Variants in CHM observed in about 807,000 individuals in gnomAD.
The protein encoded by CHM is CHM Rab escort protein.
Under a neutral mutation model 49.0 loss-of-function variants are expected in CHM, and 10 were observed. The observed-to-expected ratio is 0.20, with a 90% confidence interval of 0.13 to 0.35. The LOEUF (loss-of-function observed/expected upper bound fraction) is 0.35. Ranked by LOEUF, CHM falls within the 10% of genes least tolerant of loss-of-function variation. The pLI, the probability that CHM is intolerant of heterozygous loss-of-function variation, is 1.00. For synonymous variants in CHM, 184 were observed against 167.5 expected, an observed-to-expected ratio of 1.10 and a Z score of -0.76; for missense variants, 455 against 478.4, an observed-to-expected ratio of 0.95 and a Z score of 0.46.
intron 3 of CHM, among the ~76,000 whole-genome samples, chrX:85,981,229 T>A (rs1603269559): frequency 2.6e-5 from 1 of 38,916 alleles, no homozygotes; most frequent in Admixed American, 4.3e-4. Context: ...TAGACACACA[T>A]ATTTTTTTTT....
chrX:86,022,764 T>C (rs1933659707), intron 2 of CHM, among the ~76,000 whole-genome samples: 2 of 111,319 alleles, frequency 1.8e-5, no homozygotes, highest in African/African-American at 6.5e-5. Context: ...CCTAGGTGAA[T>C]GGATCTCTTC....
At chrX:85,970,175 G>A in intron 4 of CHM, 1 of 472,202 alleles carries the variant, frequency 2.1e-6, no homozygotes, top group Non-Finnish European at 2.6e-6. Context: ...ATGTTTATAT[G>A]TACCAAAACA....
chrX:85,983,281 G>T (rs1931728501), intron 2 of CHM, among the ~76,000 whole-genome samples: 1 of 110,496 alleles, frequency 9.1e-6, no homozygotes, highest in African/African-American at 3.3e-5. Flanking sequence ...TTAAAATTTA[G>T]CTAGAATTTC....
At chrX:85,908,100 A>G (rs1700270690) in intron 9 of CHM, among the ~76,000 whole-genome samples, 1 of 112,082 alleles carries the variant, frequency 8.9e-6, no homozygotes, top group Admixed American at 9.5e-5. Context: ...AGGAAAAGAA[A>G]GGCAAACTGA....
chrX:85,908,530 T>G (rs1032776979), intron 9 of CHM, among the ~76,000 whole-genome samples: 1 of 111,997 alleles, frequency 8.9e-6, no homozygotes, highest in African/African-American at 3.2e-5. Context: ...TCTTAAAACT[T>G]TTAAAGATCA....
rs759235022 is a variant in CHM at position 86,045,449 on chromosome X, G to C, written c.49+2035C>G. Reference sequence around the variant, plus strand: ...TATCATAAATTTAAGCAATGTGCTTGATAAAACCTAGAATGTGTCACCAAT... The same window carrying C: ...TATCATAAATTTAAGCAATGTGCTTCATAAAACCTAGAATGTGTCACCAAT... On this transcript the variant is annotated intron_variant, in intron 1 of 14. Transcript: ENST00000357749. 8.6e-3 allele frequency among the ~76,000 whole-genome samples: 965 copies of C among 112,076 alleles called. 4 individuals are homozygous for C. The highest frequency in any genetic ancestry group is 0.013 in the Non-Finnish European group (704 of 53,203).
At chrX:86,045,719 A>G (rs1462934570) in intron 1 of CHM, among the ~76,000 whole-genome samples, 1 of 111,648 alleles carries the variant, frequency 9.0e-6, no homozygotes, top group Non-Finnish European at 1.9e-5. Context: ...TATGAAAAAC[A>G]TTAGCATCAT....
chrX:85,880,774 G>A (rs939749805), intron 12 of CHM, among the ~76,000 whole-genome samples: 1 of 111,441 alleles, frequency 9.0e-6, no homozygotes, highest in Non-Finnish European at 1.9e-5. Context: ...ACATTCATAA[G>A]CTGAATTATA....
chrX:86,031,190 T>C (rs1263697016), intron 1 of CHM, among the ~76,000 whole-genome samples: 1 of 110,661 alleles, frequency 9.0e-6, no homozygotes, highest in Non-Finnish European at 1.9e-5. Flanking sequence ...AAATGGGGAG[T>C]TGCTAATCAA....
intron 14 of CHM, among the ~76,000 whole-genome samples, chrX:85,867,607 T>C (rs1274717398): frequency 8.9e-6 from 1 of 112,281 alleles, no homozygotes; most frequent in African/African-American, 3.2e-5. Context: ...ACTATAGCAC[T>C]TGTTTAAGCT....
chrX:86,001,105 T>C (rs770887385), intron 2 of CHM, among the ~76,000 whole-genome samples: 31 of 111,822 alleles, frequency 2.8e-4, no homozygotes, highest in Admixed American at 7.6e-4. Flanking sequence ...ACCCCAAAAA[T>C]ATATACAACT....
chrX:85,868,287 A>G (rs1458109357), intron 14 of CHM, among the ~76,000 whole-genome samples: 1 of 111,394 alleles, frequency 9.0e-6, no homozygotes, highest in African/African-American at 3.3e-5. Context: ...ACTTTCAGCT[A>G]TAAGTTCTGG....
At chrX:86,010,225 G>T (rs1292928322) in intron 2 of CHM, among the ~76,000 whole-genome samples, 2 of 96,465 alleles carry the variant, frequency 2.1e-5, no homozygotes, top group Non-Finnish European at 4.1e-5. Flanking sequence ...GCTGGAGGAG[G>T]GATAGTGTTA....
At chrX:85,946,829 G>T (rs755077979) in intron 8 of CHM, among the ~76,000 whole-genome samples, 1 of 112,196 alleles carries the variant, frequency 8.9e-6, no homozygotes, top group Non-Finnish European at 1.9e-5. Flanking sequence ...CCCTGCACCT[G>T]AAAAAGCCAC....
intron 2 of CHM, among the ~76,000 whole-genome samples, chrX:85,994,198 G>C (rs965186979): frequency 8.9e-6 from 1 of 112,338 alleles, no homozygotes; most frequent in Non-Finnish European, 1.9e-5. Context: ...TAATTTTACA[G>C]AAGTTACTCT....
chrX:86,019,925 T>C (rs1933470729), intron 2 of CHM, among the ~76,000 whole-genome samples: 1 of 110,588 alleles, frequency 9.0e-6, no homozygotes. Flanking sequence ...ATTTAAACTG[T>C]TTTTGGAAGT....
intron 4 of CHM, among the ~76,000 whole-genome samples, chrX:85,973,081 A>G (rs1931038482): frequency 9.1e-6 from 1 of 110,126 alleles, no homozygotes; most frequent in Admixed American, 9.6e-5. Context: ...CGTGCAGATC[A>G]TGAGGTCAAG....
At chrX:86,044,858 C>CTCTTCTGTCTTTGG (rs1934594575) in intron 1 of CHM, among the ~76,000 whole-genome samples, 1 of 111,669 alleles carries the variant, frequency 9.0e-6, no homozygotes, top group Non-Finnish European at 1.9e-5. Flanking sequence ...CTTTAGCTTA[C>CTCTTCTGTCTTTGG]TCTTCTGTCT....
intron 8 of CHM, among the ~76,000 whole-genome samples, chrX:85,926,215 C>T (rs2148188627): frequency 9.0e-6 from 1 of 110,928 alleles, no homozygotes; most frequent in East Asian, 2.8e-4. Context: ...AAACCACCCC[C>T]TTCCTTCCAT....
Sources: gnomAD v4.1 joint callset for allele counts (sites outside exome capture counted in the v4.1 genomes callset) on GRCh38, gnomAD v4.1.1 for gene constraint, MANE v1.5 for transcripts, NCBI Gene and HGNC (gene_info 2026-07-23, HGNC 2026-07-21) for gene names.